TENM1: variants seen among roughly 807,000 people sequenced by gnomAD.
The protein encoded by TENM1 is teneurin-1.
TENM1 carries 35 observed loss-of-function variants against 174.8 expected under a neutral mutation model. That is an observed-to-expected ratio of 0.20 (90% CI 0.15 to 0.27). The LOEUF is 0.27. Among genes scored for constraint, TENM1 ranks in the 10% least tolerant of loss-of-function variants. TENM1 has a pLI of 1.00. For synonymous variants in TENM1, 781 were observed against 798.7 expected (o/e 0.98, Z 0.37); for missense variants, 1,633 against 2,130.1 (o/e 0.77, Z 4.59).
chrX:124,875,298 T>G (rs1473052599), intron 3 of TENM1, among the ~76,000 whole-genome samples: 1 of 111,113 alleles, frequency 9.0e-6, no homozygotes, highest in Non-Finnish European at 1.9e-5. Flanking sequence ...TCAACTATAT[T>G]TTCTAAGTAA....
At chrX:124,986,705 G>A in the TENM1 span, among the ~76,000 whole-genome samples, 24 of 111,077 alleles carry the variant, frequency 2.2e-4, no homozygotes, top group African/African-American at 6.9e-4. Context: ...GCAGTGGTGC[G>A]ATCTCAGCTC....
chrX:125,142,426 C>T, the TENM1 span, among the ~76,000 whole-genome samples: 36 of 111,372 alleles, frequency 3.2e-4, no homozygotes, highest in South Asian at 5.7e-3. Flanking sequence ...TGAAGGGTCA[C>T]GGAGTGGGGT....
At chrX:124,736,021 C>A (rs2053662376) in intron 4 of TENM1, among the ~76,000 whole-genome samples, 1 of 111,172 alleles carries the variant, frequency 9.0e-6, no homozygotes, top group Non-Finnish European at 1.9e-5. Context: ...GAAGCCCAAA[C>A]CTCACCACTG....
At position 124,782,541 on chromosome X, in the gene TENM1, G is replaced by A. The variant is rs140506096; in HGVS notation, c.536-45344C>T. ...ATACTTTCATGCCTACATATACACT[G>A]TTCTTTCATCTTGGAATACATCCCC... On this transcript the variant is annotated intron_variant, in intron 3 of 31. Transcript: ENST00000422452. Among the ~76,000 whole-genome samples the A allele has an allele frequency of 2.8e-3, 314 of 110,651 alleles. 2 individuals carry two copies. The highest frequency in any genetic ancestry group is 9.9e-3 in the African/African-American group (301 of 30,489).
At chrX:125,000,319 A>G in the TENM1 span, among the ~76,000 whole-genome samples, 1 of 111,659 alleles carries the variant, frequency 9.0e-6, no homozygotes, top group Non-Finnish European at 1.9e-5. Flanking sequence ...TCTGACGTAG[A>G]GCAAGTAAAA....
intron 1 of TENM1, among the ~76,000 whole-genome samples, chrX:124,961,756 G>A (rs1175429827): frequency 8.9e-6 from 1 of 111,975 alleles, no homozygotes; most frequent in Non-Finnish European, 1.9e-5. Context: ...AGTGGGAAAG[G>A]ATGCTTGTAA....
the TENM1 span, among the ~76,000 whole-genome samples, chrX:125,089,886 G>C: frequency 9.0e-6 from 1 of 111,432 alleles, no homozygotes; most frequent in Non-Finnish European, 1.9e-5. Flanking sequence ...AGGATAAAAG[G>C]AGGTGCCAGA....
At chrX:125,179,786 T>C in the TENM1 span, among the ~76,000 whole-genome samples, 1 of 109,784 alleles carries the variant, frequency 9.1e-6, no homozygotes, top group African/African-American at 3.3e-5. Flanking sequence ...CAGCAATTTG[T>C]TTCTCAACAA....
chrX:124,709,996 G>C (rs1043873747), intron 4 of TENM1, among the ~76,000 whole-genome samples: 5 of 111,406 alleles, frequency 4.5e-5, no homozygotes, highest in Non-Finnish European at 9.4e-5. Context: ...ATAAGATTAA[G>C]TATATTTTAA....
intron 3 of TENM1, among the ~76,000 whole-genome samples, chrX:124,842,583 G>GT (rs1220510731): frequency 9.0e-6 from 1 of 111,014 alleles, no homozygotes; most frequent in Non-Finnish European, 1.9e-5. Flanking sequence ...ACATGATCAA[G>GT]TTTTTTGTGT....
chrX:125,110,859 C>G, the TENM1 span, among the ~76,000 whole-genome samples: 1 of 111,616 alleles, frequency 9.0e-6, no homozygotes, highest in Non-Finnish European at 1.9e-5. Flanking sequence ...CCTTAGAAGT[C>G]TTCCAAAAAG....
chrX:124,974,757 C>T, the TENM1 span, among the ~76,000 whole-genome samples: 1 of 106,002 alleles, frequency 9.4e-6, no homozygotes, highest in Non-Finnish European at 1.9e-5. Flanking sequence ...CATAAAGAAG[C>T]TCTAACACAA....
chrX:124,427,591 A>G (rs1170240991), intron 23 of TENM1, among the ~76,000 whole-genome samples: 1 of 111,690 alleles, frequency 9.0e-6, no homozygotes, highest in Non-Finnish European at 1.9e-5. Context: ...ATGTGTGGCT[A>G]CTTAGTAGTT....
At chrX:124,505,409 A>G (rs1281939404) in intron 18 of TENM1, among the ~76,000 whole-genome samples, 1 of 111,943 alleles carries the variant, frequency 8.9e-6, no homozygotes, top group African/African-American at 3.2e-5. Flanking sequence ...GGGGAAAGGG[A>G]TCTCAAAGGT....
At chrX:124,442,167 C>T (rs2060910593) in intron 23 of TENM1, among the ~76,000 whole-genome samples, 1 of 112,270 alleles carries the variant, frequency 8.9e-6, no homozygotes, top group Non-Finnish European at 1.9e-5. Flanking sequence ...TGGAGTGTGG[C>T]CAGAGACCTT....
intron 4 of TENM1, among the ~76,000 whole-genome samples, chrX:124,706,694 T>C (rs1276030660): frequency 8.9e-6 from 1 of 112,184 alleles, no homozygotes; most frequent in Non-Finnish European, 1.9e-5. Context: ...ATAAATAAAA[T>C]TGCATATACT....
chrX:124,399,967 A>C (rs970873848), intron 27 of TENM1, among the ~76,000 whole-genome samples: 2 of 110,935 alleles, frequency 1.8e-5, no homozygotes, highest in Admixed American at 1.9e-4. Context: ...AAACAAAAAA[A>C]CAAAAACACA....
intron 28 of TENM1, among the ~76,000 whole-genome samples, chrX:124,386,466 G>A (rs1003946440): frequency 9.9e-5 from 11 of 111,254 alleles, no homozygotes; most frequent in Non-Finnish European, 1.9e-5. Context: ...GGGGGCAGGG[G>A]TAGGGAAAGA....
chrX:124,990,018 CTA>C, the TENM1 span, among the ~76,000 whole-genome samples: 1 of 111,427 alleles, frequency 9.0e-6, no homozygotes, highest in African/African-American at 3.3e-5. Context: ...TAAAAGCTGA[CTA>C]TGTGCGTATG....
Sources: gnomAD v4.1 joint callset for allele counts (sites outside exome capture counted in the v4.1 genomes callset) on GRCh38, gnomAD v4.1.1 for gene constraint, MANE v1.5 for transcripts, NCBI Gene and HGNC (gene_info 2026-07-23, HGNC 2026-07-21) for gene names.